The following FBN2 variants were observed in gnomAD, a reference collection of about 807,000 sequenced individuals.
FBN2 encodes fibrillin-2.
Under a neutral mutation model 355.6 loss-of-function variants are expected in FBN2, and 105 were observed. The ratio of observed to expected loss-of-function variants is 0.30; its 90% CI spans 0.25 to 0.35. The LOEUF (loss-of-function observed/expected upper bound fraction) is 0.35, where lower values mean the gene tolerates loss of function less well. FBN2 is among the 10% of genes least tolerant of loss of function. FBN2 has a pLI of 1.00. For missense variants in FBN2, 3,280 were observed against 3,758.7 expected, an observed-to-expected ratio of 0.87 and a Z score of 3.33; for synonymous variants, 1,350 against 1,301.2, an observed-to-expected ratio of 1.04 and a Z score of -0.81.
intron 7 of FBN2, among the ~76,000 whole-genome samples, chr5:128,439,409 G>C (rs1753858055): frequency 6.6e-6 from 1 of 151,990 alleles, no homozygotes; most frequent in Non-Finnish European, 1.5e-5. Flanking sequence ...TTTGCCATTA[G>C]AATTTTTATT....
chr5:128,274,346 T>C (rs919387431), intron 60 of FBN2, among the ~76,000 whole-genome samples: 34 of 152,336 alleles, frequency 2.2e-4, no homozygotes, highest in African/African-American at 7.7e-4. Context: ...GCTTGAAATA[T>C]GGCTACTGTG....
At chr5:128,405,342 G>T (rs533150318) in intron 8 of FBN2, among the ~76,000 whole-genome samples, 1 of 152,276 alleles carries the variant, frequency 6.6e-6, no homozygotes, top group Non-Finnish European at 1.5e-5. Context: ...ACAACAATGA[G>T]GGAAATACAA....
At chr5:128,293,254 G>T (rs971909147) in intron 48 of FBN2, among the ~76,000 whole-genome samples, 4 of 152,164 alleles carry the variant, frequency 2.6e-5, no homozygotes, top group Non-Finnish European at 5.9e-5. Context: ...CACTTTGGGA[G>T]GCCGAGGCCA....
chr5:128,329,703 A>C (rs1750642012), intron 33 of FBN2, among the ~76,000 whole-genome samples: 1 of 152,226 alleles, frequency 6.6e-6, no homozygotes, highest in Non-Finnish European at 1.5e-5. Flanking sequence ...AAACTGAATA[A>C]ACATGTTTCC....
intron 7 of FBN2, among the ~76,000 whole-genome samples, chr5:128,424,630 T>C (rs1753439155): frequency 6.6e-6 from 1 of 152,198 alleles, no homozygotes; most frequent in Admixed American, 6.5e-5. Context: ...ATAGTCTTTG[T>C]TATCATTAAT....
chr5:128,340,811 C>G (rs1750994490), intron 25 of FBN2, among the ~76,000 whole-genome samples: 2 of 150,698 alleles, frequency 1.3e-5, no homozygotes, highest in African/African-American at 2.4e-5. Context: ...CTCTTTCTCT[C>G]TCTCTCCCTC....
At chr5:128,291,008 G>C in intron 49 of FBN2, 124 bp from the exon 50 acceptor site, 1 of 820,424 alleles carries the variant, frequency 1.2e-6, no homozygotes, top group Non-Finnish European at 2.0e-6. Flanking sequence ...GGAAATCTTC[G>C]ATTGCTGATT....
rs369582778 is a variant in FBN2, at chr5:128,448,886, A to G, written c.827-2280T>C. On this transcript the variant is annotated intron_variant, in intron 6 of 64. Transcript: ENST00000262464. ...AATTTCAGTTTTAGACATTGAAATT[A>G]TCATCCTATCCTTTAAATTGTCTAT... Among the ~76,000 whole-genome samples, 4 of 152,132 alleles carry G rather than the reference A, an allele frequency of 2.6e-5. No individual in the cohort carries two copies. The South Asian group carries it at 8.3e-4, about 31-fold the overall frequency.
In FBN2 at chr5:128,259,296, ATCCC is replaced by A; in HGVS notation, c.*155_*158del. ...CTTTGGCCATACCAGAGTCTAAATT[ATCCC>A]TCCCTGTGAGGGTCAACATTCAAAG... is the stretch of plus-strand genomic sequence containing the variant. On this transcript the variant is annotated 3_prime_UTR_variant, in exon 65 of 65. Transcript: ENST00000262464. The A allele has an allele frequency of 1.1e-6, 1 of 939,962 alleles. No individual in the cohort carries two copies. The highest frequency in any genetic ancestry group is 1.7e-6 in the Non-Finnish European group (1 of 595,540). 58.2% of individuals were successfully genotyped at this position (939,962 alleles called of 1,614,324 possible). A position where few individuals can be genotyped will look rare whatever the true frequency, so the allele number is the denominator to read the frequency against.
At chr5:128,325,178 G>A (rs374797743) in intron 34 of FBN2, among the ~76,000 whole-genome samples, 15 of 152,062 alleles carry the variant, frequency 9.9e-5, no homozygotes, top group Admixed American at 2.6e-4. Context: ...TTTCTGTCTC[G>A]TTGATCTGTC....
In FBN2 at chr5:128,336,364, C is replaced by T. The variant is rs568369609; in HGVS notation, c.3599-251G>A. Among the ~76,000 whole-genome samples, 77 of 152,272 alleles carry T rather than the reference C, an allele frequency of 5.1e-4. 1 individual carries two copies. Among genetic ancestry groups the T allele is most frequent in the African/African-American group, 1.7e-3 (69 of 41,556 alleles). On this transcript the variant is annotated intron_variant, in intron 27 of 64. Transcript: ENST00000262464. ...GCGGTCTAATACACAGCTGCATGTG[C>T]TACTGAGTACTGGAAATATGGACAG... is the stretch of plus-strand genomic sequence containing the variant.
Position 128,537,838 on chromosome 5 carries a change from C to G in FBN2, c.-235G>C, listed in dbSNP as rs1487107361. 1.7e-6 allele frequency: 1 copy of G among 589,502 alleles called. No homozygotes were observed. Among genetic ancestry groups the G allele is most frequent in the South Asian group, 2.0e-5 (1 of 49,998 alleles). The allele number at this position is 589,502 out of a possible 1,614,324, so 36.5% of individuals were successfully genotyped here. A position where few individuals can be genotyped will look rare whatever the true frequency, so the allele number is the denominator to read the frequency against. On this transcript the variant is annotated 5_prime_UTR_variant, in exon 1 of 65. Transcript: ENST00000262464. ...TAGCGCAGTGAGCGGCGAGGCGCGGCGGAGGTGCAGCCGGCAGCCCCGAGC... is the reference window on the plus strand; with the variant it reads ...TAGCGCAGTGAGCGGCGAGGCGCGGGGGAGGTGCAGCCGGCAGCCCCGAGC...
chr5:128,361,238 A>G (rs1751630372), intron 19 of FBN2, among the ~76,000 whole-genome samples: 1 of 152,228 alleles, frequency 6.6e-6, no homozygotes, highest in Non-Finnish European at 1.5e-5. Flanking sequence ...CTCTTGGACT[A>G]AAAACCTATT....
intron 48 of FBN2, among the ~76,000 whole-genome samples, chr5:128,294,252 G>A (rs1230456970): frequency 1.3e-5 from 2 of 152,018 alleles, no homozygotes; most frequent in African/African-American, 2.4e-5. Flanking sequence ...GGACATTTGG[G>A]TTGGTTCCAA....
At position 128,513,983 on chromosome 5, in the gene FBN2, G is replaced by C. The variant is rs1756205668; in HGVS notation, c.628+5290C>G. 2.0e-5 allele frequency among the ~76,000 whole-genome samples: 3 copies of C among 151,926 alleles called. No individual in the cohort carries two copies. In the South Asian group the frequency reaches 6.2e-4, roughly 32 times the overall value. ...GCTAAGTTTAGCTTAGAGAGTGCAA[G>C]GTTATAAAATGCTCTTCTTAACGGC... On this transcript the variant is annotated intron_variant, in intron 5 of 64. Coordinates refer to ENST00000262464, the MANE Select transcript of FBN2 (RefSeq NM_001999.4).
chr5:128,498,700 TATGA>T (rs1335698315), intron 5 of FBN2, among the ~76,000 whole-genome samples: 3 of 152,230 alleles, frequency 2.0e-5, no homozygotes, highest in African/African-American at 7.2e-5. Flanking sequence ...AATGAATACT[TATGA>T]ATGTCAGTAA....
intron 48 of FBN2, among the ~76,000 whole-genome samples, chr5:128,299,198 C>G (rs1459686473): frequency 6.6e-6 from 1 of 151,730 alleles, no homozygotes; most frequent in Non-Finnish European, 1.5e-5. Flanking sequence ...GTTCTCAGAT[C>G]TCCAGCTGCG....
In FBN2 at chr5:128,383,706, A is replaced by G. The variant is rs945942785; in HGVS notation, c.1604-4816T>C. 5.9e-5 allele frequency among the ~76,000 whole-genome samples: 9 copies of G among 152,214 alleles called. No individual in the cohort carries two copies. The East Asian group carries it at 1.2e-3, about 20-fold the overall frequency. The stretch of plus-strand genomic sequence containing the variant: ...AAATAAACTCATGAAAAGATGGTCA[A>G]CATCTTTTTATGTGAATCATTAGAG... On this transcript the variant is annotated intron_variant, in intron 11 of 64. Coordinates refer to ENST00000262464, the MANE Select transcript of FBN2 (RefSeq NM_001999.4).
At chr5:128,378,020 T>TC in intron 12 of FBN2, 143 bp from the exon 13 acceptor site, 1 of 870,742 alleles carries the variant, frequency 1.1e-6, no homozygotes, top group East Asian at 2.6e-5. Flanking sequence ...TTTTTTTTTT[T>TC]TTTTTGGATA....
Sources: gnomAD v4.1 joint callset for allele counts (sites outside exome capture counted in the v4.1 genomes callset) on GRCh38, gnomAD v4.1.1 for gene constraint, MANE v1.5 for transcripts, NCBI Gene and HGNC (gene_info 2026-07-23, HGNC 2026-07-21) for gene names.